The following BTBD9 variants were observed in gnomAD, a reference collection of about 807,000 sequenced individuals.
The protein encoded by BTBD9 is BTB/POZ domain-containing protein 9.
Under a neutral mutation model 64.3 loss-of-function variants are expected in BTBD9, and 49 were observed. The observed-to-expected ratio is 0.76, with a 90% CI of 0.61 to 0.97. The LOEUF (loss-of-function observed/expected upper bound fraction) is 0.97, where lower values mean the gene tolerates loss of function less well. Among genes scored for constraint, BTBD9 ranks in the 50% least tolerant of loss-of-function variants. The probability of loss-of-function intolerance (pLI) is 0.00; values close to 1 mark genes in which losing one functional copy is unlikely to be tolerated. For missense variants in BTBD9, 598 were observed against 762.1 expected, an observed-to-expected ratio of 0.78 and a Z score of 2.53; for synonymous variants, 260 against 274.7, an observed-to-expected ratio of 0.95 and a Z score of 0.53.
chr6:38,311,590 C>T (rs1347237924), intron 7 of BTBD9, among the ~76,000 whole-genome samples: 1 of 152,084 alleles, frequency 6.6e-6, no homozygotes, highest in Non-Finnish European at 1.5e-5. Flanking sequence ...CTTTTGGGTA[C>T]ATATCTAAAA....
At chr6:38,388,376 G>T (rs79750957) in intron 6 of BTBD9, among the ~76,000 whole-genome samples, 5 of 152,104 alleles carry the variant, frequency 3.3e-5, no homozygotes, top group Non-Finnish European at 7.4e-5. Context: ...GGGCTGTTTT[G>T]TTCTGTTTTT....
chr6:38,378,041 C>A (rs12212721), intron 6 of BTBD9, among the ~76,000 whole-genome samples: 3,877 of 152,172 alleles, frequency 0.025, 76 homozygotes, highest in Non-Finnish European at 0.038. Flanking sequence ...TGTGATTCTT[C>A]CCCTGGCAAA....
At chr6:38,234,034 C>T (rs559679920) in intron 9 of BTBD9, among the ~76,000 whole-genome samples, 1 of 152,340 alleles carries the variant, frequency 6.6e-6, no homozygotes, top group South Asian at 2.1e-4. Flanking sequence ...GCAAACCCAA[C>T]ATCTAATGGA....
intron 6 of BTBD9, among the ~76,000 whole-genome samples, chr6:38,446,175 G>A (rs963567312): frequency 1.3e-5 from 2 of 152,202 alleles, no homozygotes; most frequent in African/African-American, 4.8e-5. Flanking sequence ...GCAGAAGTAT[G>A]TGGGCAGCTG....
chr6:38,242,641 C>T (rs576886349), intron 9 of BTBD9, among the ~76,000 whole-genome samples: 20 of 152,306 alleles, frequency 1.3e-4, no homozygotes, highest in Admixed American at 2.6e-4. Context: ...CTGTAAGTTC[C>T]TTCATAGAAG....
intron 6 of BTBD9, among the ~76,000 whole-genome samples, chr6:38,405,328 A>G (rs568591100): frequency 4.3e-4 from 65 of 152,296 alleles, no homozygotes; most frequent in African/African-American, 1.4e-3. Context: ...AAAATTGGAC[A>G]GTCATTGTAG....
intron 9 of BTBD9, among the ~76,000 whole-genome samples, chr6:38,202,374 C>T (rs771430273): frequency 1.3e-5 from 2 of 151,444 alleles, no homozygotes; most frequent in Non-Finnish European, 2.9e-5. Flanking sequence ...AGCCACTGCA[C>T]CCAGCCCAAA....
chr6:38,334,630 A>C (rs6901887), intron 7 of BTBD9, among the ~76,000 whole-genome samples: 1,626 of 130,736 alleles, frequency 0.012, 27 homozygotes, highest in African/African-American at 0.048. Context: ...CATAACATAA[A>C]ATAAATAAAA....
intron 6 of BTBD9, chr6:38,504,559 T>C (rs1224931243): frequency 2.2e-6 from 1 of 456,824 alleles, no homozygotes; most frequent in Admixed American, 2.3e-5. Context: ...AGATCTCTCA[T>C]AAACTGCGGG....
At chr6:38,256,046 T>C (rs917575440) in intron 9 of BTBD9, among the ~76,000 whole-genome samples, 6 of 150,318 alleles carry the variant, frequency 4.0e-5, no homozygotes, top group Non-Finnish European at 7.4e-5. Flanking sequence ...TGTGCACATG[T>C]ACCCTAGAAC....
At chr6:38,629,105 A>C (rs1778275134) in intron 1 of BTBD9, among the ~76,000 whole-genome samples, 1 of 152,206 alleles carries the variant, frequency 6.6e-6, no homozygotes, top group Non-Finnish European at 1.5e-5. Flanking sequence ...GAGATCACTG[A>C]GATATTAATT....
At chr6:38,247,250 A>C (rs532780677) in intron 9 of BTBD9, among the ~76,000 whole-genome samples, 1 of 152,266 alleles carries the variant, frequency 6.6e-6, no homozygotes, top group East Asian at 1.9e-4. Context: ...TACTGAGGCT[A>C]TAACTCTCCA....
At chr6:38,296,600 C>A (rs1173223268) in intron 7 of BTBD9, among the ~76,000 whole-genome samples, 5 of 152,064 alleles carry the variant, frequency 3.3e-5, no homozygotes, top group Non-Finnish European at 7.4e-5. Flanking sequence ...CTTCTAACTC[C>A]TGTTTCACCT....
chr6:38,630,270 GTT>G (rs1778318666), intron 1 of BTBD9, among the ~76,000 whole-genome samples: 1 of 150,302 alleles, frequency 6.7e-6, no homozygotes, highest in Non-Finnish European at 1.5e-5. Flanking sequence ...CTGGTTTTTT[GTT>G]TTGTTTCACT....
intron 6 of BTBD9, among the ~76,000 whole-genome samples, chr6:38,507,828 ATTTTTT>A (rs34808509): frequency 2.4e-5 from 3 of 125,428 alleles, no homozygotes; most frequent in Non-Finnish European, 5.0e-5. Flanking sequence ...TGTCTCCCAA[ATTTTTT>A]TTTTTTTTTT....
intron 6 of BTBD9, among the ~76,000 whole-genome samples, chr6:38,522,258 C>T (rs937810636): frequency 1.3e-5 from 2 of 152,142 alleles, no homozygotes; most frequent in Admixed American, 6.5e-5. Context: ...TACACATATG[C>T]CATTTTTTGA....
chr6:38,357,939 G>A (rs1764794840), intron 6 of BTBD9, among the ~76,000 whole-genome samples: 1 of 152,006 alleles, frequency 6.6e-6, no homozygotes, highest in Non-Finnish European at 1.5e-5. Context: ...TTCCAAACAA[G>A]GATATGTCCA....
chr6:38,533,389 C>T (rs569178183), intron 6 of BTBD9, among the ~76,000 whole-genome samples: 2 of 152,254 alleles, frequency 1.3e-5, no homozygotes, highest in South Asian at 4.1e-4. Context: ...TTGCACCCAA[C>T]ACTGGAGCAC....
chr6:38,378,836 T>C (rs1184344520), intron 6 of BTBD9, among the ~76,000 whole-genome samples: 3 of 144,422 alleles, frequency 2.1e-5, no homozygotes, highest in African/African-American at 7.8e-5. Context: ...ATGGCACTAC[T>C]GCACTCCAGC....
Sources: allele counts gnomAD v4.1 joint callset (sites outside exome capture counted in the v4.1 genomes callset), GRCh38; gene constraint gnomAD v4.1.1; transcripts MANE v1.5; gene names NCBI Gene and HGNC (gene_info 2026-07-23, HGNC 2026-07-21).